Variants in HERC3 observed in about 807,000 individuals in gnomAD.
The protein encoded by HERC3 is HECT and RLD domain containing E3 ubiquitin protein ligase 3.
A neutral mutation model predicts 129.9 loss-of-function variants in HERC3; 58 were observed. That is an observed-to-expected ratio of 0.45 (90% CI 0.36 to 0.56). The LOEUF (loss-of-function observed/expected upper bound fraction) is 0.56, where lower values mean the gene tolerates loss of function less well. HERC3 is among the 20% of genes least tolerant of loss of function. HERC3 has a pLI of 0.00. For missense variants in HERC3, 835 were observed against 1,244.2 expected, an observed-to-expected ratio of 0.67 and a Z score of 4.95; for synonymous variants, 430 against 451.0, an observed-to-expected ratio of 0.95 and a Z score of 0.59.
Position 88,688,244 on chromosome 4 carries a change from G to A in HERC3, c.2657+945G>A, listed in dbSNP as rs1247776937. Among the ~76,000 whole-genome samples the A allele has an allele frequency of 2.0e-5, 3 of 152,204 alleles. No individual in the cohort carries two copies. In the East Asian group the frequency reaches 5.8e-4, roughly 29 times the overall value. ...TTTGACACATGATAGAGAATGTTGG[G>A]TACTTGTGGAGTGGGTACTGGTGTA... is the stretch of plus-strand genomic sequence containing the variant. On this transcript the variant is annotated intron_variant, in intron 23 of 25. Coordinates refer to ENST00000402738, the MANE Select transcript of HERC3 (RefSeq NM_014606.3).
intron 2 of HERC3, among the ~76,000 whole-genome samples, chr4:88,601,463 C>A (rs1722953299): frequency 6.6e-6 from 1 of 152,220 alleles, no homozygotes; most frequent in South Asian, 2.1e-4. Context: ...GCTGACTTTG[C>A]ATAGAAGAGC....
chr4:88,625,986 G>A (rs896690021), intron 3 of HERC3, among the ~76,000 whole-genome samples: 2 of 152,020 alleles, frequency 1.3e-5, no homozygotes, highest in Admixed American at 1.3e-4. Flanking sequence ...CTCATTCCTG[G>A]AATAAATCTC....
intron 23 of HERC3, among the ~76,000 whole-genome samples, chr4:88,703,656 C>A (rs914314399): frequency 1.4e-4 from 22 of 151,944 alleles, no homozygotes; most frequent in African/African-American, 4.6e-4. Flanking sequence ...CCTTTTAAAA[C>A]AGGTGAGGAT....
rs532735534 is a variant in HERC3, at chr4:88,600,197, C to T, written c.-30+4583C>T. Reference sequence around the variant, plus strand: ...ATCAGTCAGGAGTTTCTTTTTATTGCAAGTGAAAGAAACCTGATTCAAACA... The same window carrying T: ...ATCAGTCAGGAGTTTCTTTTTATTGTAAGTGAAAGAAACCTGATTCAAACA... On this transcript the variant is annotated intron_variant, in intron 2 of 25. Transcript: ENST00000402738. 3.9e-5 allele frequency among the ~76,000 whole-genome samples: 6 copies of T among 152,092 alleles called. No homozygotes were observed. In the East Asian group the frequency reaches 1.2e-3, roughly 29 times the overall value.
At position 88,649,848 on chromosome 4, in the gene HERC3, G is replaced by A. The variant is rs1158115532; in HGVS notation, c.235G>A (p.Gly79Arg). The A allele has an allele frequency of 3.7e-6, 6 of 1,613,590 alleles. No individual in the cohort carries two copies. Among genetic ancestry groups the A allele is most frequent in the Non-Finnish European group, 5.1e-6 (6 of 1,179,800 alleles). The stretch of plus-strand genomic sequence containing the variant: ...CAATTTGTCTCTTTCAGAACAAATT[G>A]GAGCTCTGGCAGATCAGCATATCAT... ...EREGNKPEQIGALADQHIIHV... is the reference protein window; with the variant it reads ...EREGNKPEQIRALADQHIIHV... Residue 79 changes from glycine (G) to arginine (R), a missense_variant, in exon 4 of 26, where the codon GGA (glycine) becomes AGA (arginine). Physicochemically the swap from Gly to Arg is moderately radical, Grantham distance 125. Transcript: ENST00000402738.
At chr4:88,626,635 T>G (rs1453183319) in intron 3 of HERC3, among the ~76,000 whole-genome samples, 1 of 152,146 alleles carries the variant, frequency 6.6e-6, no homozygotes, top group African/African-American at 2.4e-5. Context: ...ATCTTTTTCT[T>G]CTTAGGTGAG....
At chr4:88,704,040 A>T in intron 23 of HERC3, 58 bp from the exon 24 acceptor site, 2 of 1,471,410 alleles carry the variant, frequency 1.4e-6, no homozygotes, top group Non-Finnish European at 1.9e-6. Context: ...GTAGAAGGGT[A>T]ACTTCATAAG....
At chr4:88,568,624 G>A in the HERC3 span, among the ~76,000 whole-genome samples, 1 of 152,120 alleles carries the variant, frequency 6.6e-6, no homozygotes, top group South Asian at 2.1e-4. Flanking sequence ...GATGAGACTT[G>A]TGTGGGTACC....
At chr4:88,684,373 TC>T (rs1733159904) in intron 21 of HERC3, among the ~76,000 whole-genome samples, 1 of 152,190 alleles carries the variant, frequency 6.6e-6, no homozygotes, top group Non-Finnish European at 1.5e-5. Context: ...AGGAAAGGAT[TC>T]CCTATTTAAT....
chr4:88,644,769 T>C (rs2149262071), intron 3 of HERC3, among the ~76,000 whole-genome samples: 1 of 152,284 alleles, frequency 6.6e-6, no homozygotes. Context: ...TCTATGATAA[T>C]TAAAAATTTT....
chr4:88,560,251 C>G, the HERC3 span, among the ~76,000 whole-genome samples: 19 of 152,252 alleles, frequency 1.2e-4, no homozygotes, highest in Non-Finnish European at 1.0e-4. Flanking sequence ...TGAGCCACCA[C>G]GCCTGGCCAT....
At chr4:88,666,342 A>G (rs1731046817) in intron 12 of HERC3, among the ~76,000 whole-genome samples, 1 of 152,184 alleles carries the variant, frequency 6.6e-6, no homozygotes, top group South Asian at 2.1e-4. Flanking sequence ...TAGATAAAAC[A>G]TTTTGTTTTT....
At chr4:88,657,024 T>TAGCA (rs1272923776) in intron 9 of HERC3, 1 of 151,986 alleles carries the variant, frequency 6.6e-6, no homozygotes, top group Non-Finnish European at 1.5e-5. Flanking sequence ...AATAGTTAAA[T>TAGCA]AGCAGTCTTG....
chr4:88,701,848 G>C (rs1046775482), intron 23 of HERC3, among the ~76,000 whole-genome samples: 4 of 150,866 alleles, frequency 2.7e-5, no homozygotes, highest in Non-Finnish European at 4.4e-5. Flanking sequence ...TGTCACCCGG[G>C]CTGAAGTACA....
intron 23 of HERC3, chr4:88,697,976 C>A: frequency 3.1e-6 from 2 of 637,392 alleles, no homozygotes; most frequent in Non-Finnish European, 5.4e-6. Context: ...CTGTTGCTAC[C>A]CTGACATCTT....
the HERC3 span, among the ~76,000 whole-genome samples, chr4:88,540,944 A>G: frequency 6.6e-6 from 1 of 152,374 alleles, no homozygotes; most frequent in African/African-American, 2.4e-5. Context: ...TGAAGGAAGC[A>G]CTAAATATCG....
At chr4:88,660,527 C>T (rs562411148) in intron 10 of HERC3, among the ~76,000 whole-genome samples, 6 of 152,202 alleles carry the variant, frequency 3.9e-5, no homozygotes, top group African/African-American at 7.2e-5. Flanking sequence ...TTATAAAAGG[C>T]TGACTCATTC....
intron 3 of HERC3, among the ~76,000 whole-genome samples, chr4:88,627,922 A>G (rs966529782): frequency 1.0e-4 from 15 of 150,164 alleles, no homozygotes; most frequent in Non-Finnish European, 1.8e-4. Flanking sequence ...AAAAAAAAAA[A>G]AAAGAAAACT....
chr4:88,621,023 G>A, intron 3 of HERC3, among the ~76,000 whole-genome samples: 1 of 151,966 alleles, frequency 6.6e-6, no homozygotes, highest in East Asian at 1.9e-4. Context: ...TACCTCTTTT[G>A]TTTGTTTAAG....
Sources: allele counts gnomAD v4.1 joint callset (sites outside exome capture counted in the v4.1 genomes callset), GRCh38; gene constraint gnomAD v4.1.1; transcripts MANE v1.5; gene names NCBI Gene and HGNC (gene_info 2026-07-23, HGNC 2026-07-21).